FAAH2: variants seen among roughly 807,000 people sequenced by gnomAD.
FAAH2 encodes fatty-acid amide hydrolase 2.
Under a neutral mutation model 36.9 loss-of-function variants are expected in FAAH2, and 60 were observed. The ratio of observed to expected loss-of-function variants is 1.63; its 90% CI spans 1.32 to 2.02. The LOEUF is 2.02. FAAH2 is among the 30% of genes most tolerant of loss of function. The pLI is 0.00. For missense variants in FAAH2, 689 were observed against 397.5 expected, an observed-to-expected ratio of 1.73 and a Z score of -6.23; for synonymous variants, 214 against 143.8, an observed-to-expected ratio of 1.49 and a Z score of -3.49.
intron 5 of FAAH2, among the ~76,000 whole-genome samples, chrX:57,354,495 G>T (rs1212736446): frequency 9.1e-6 from 1 of 110,057 alleles, no homozygotes; most frequent in African/African-American, 3.3e-5. Flanking sequence ...TTATTCAGGT[G>T]ATGGATACCC....
At chrX:57,162,740 G>T in the FAAH2 span, among the ~76,000 whole-genome samples, 1 of 111,616 alleles carries the variant, frequency 9.0e-6, no homozygotes, top group Non-Finnish European at 1.9e-5. Flanking sequence ...GTCTGTATTG[G>T]TTATTCTAGT....
chrX:57,319,229 T>G (rs1462727677), intron 3 of FAAH2, among the ~76,000 whole-genome samples: 1 of 111,786 alleles, frequency 8.9e-6, no homozygotes, highest in Non-Finnish European at 1.9e-5. Flanking sequence ...GGAAGTCAAG[T>G]TGTCTCTTTT....
chrX:57,238,892 GT>G, the FAAH2 span, among the ~76,000 whole-genome samples: 1 of 111,475 alleles, frequency 9.0e-6, no homozygotes, highest in Non-Finnish European at 1.9e-5. Context: ...GCAGTGTTAG[GT>G]TTTCTGTTTC....
At chrX:57,157,929 A>G in the FAAH2 span, among the ~76,000 whole-genome samples, 2 of 110,375 alleles carry the variant, frequency 1.8e-5, no homozygotes, top group East Asian at 2.9e-4. Flanking sequence ...TACAAGTGCC[A>G]TGTTGGTGTG....
At chrX:57,318,212 A>G (rs868332069) in intron 3 of FAAH2, among the ~76,000 whole-genome samples, 1 of 108,515 alleles carries the variant, frequency 9.2e-6, no homozygotes, top group Non-Finnish European at 1.9e-5. Context: ...TTCAAAAAAA[A>G]TAAATGAATC....
the FAAH2 span, among the ~76,000 whole-genome samples, chrX:57,143,513 A>G: frequency 2.6e-4 from 29 of 110,484 alleles, no homozygotes; most frequent in Non-Finnish European, 4.7e-4. Flanking sequence ...ATCTCACTCT[A>G]TCACCCAAGT....
At chrX:57,350,674 A>G (rs2053975987) in intron 5 of FAAH2, among the ~76,000 whole-genome samples, 1 of 111,327 alleles carries the variant, frequency 9.0e-6, no homozygotes, top group Admixed American at 9.6e-5. Context: ...TGGTCCTTCC[A>G]AATGAACATC....
intron 7 of FAAH2, among the ~76,000 whole-genome samples, chrX:57,419,775 A>G (rs751844675): frequency 8.9e-6 from 1 of 111,847 alleles, no homozygotes; most frequent in South Asian, 3.7e-4. Flanking sequence ...TTGGTGTTTT[A>G]GACATGAAGT....
chrX:57,174,040 C>T, the FAAH2 span, among the ~76,000 whole-genome samples: 1 of 110,361 alleles, frequency 9.1e-6, no homozygotes, highest in Admixed American at 9.7e-5. Flanking sequence ...ATTTTTTATG[C>T]CCTTTCCTGG....
chrX:57,190,444 GA>G, the FAAH2 span, among the ~76,000 whole-genome samples: 5,106 of 68,913 alleles, frequency 0.074, 466 homozygotes, highest in African/African-American at 0.25. Context: ...CACTGTGGTA[GA>G]AAAAAAAAAA....
At chrX:57,439,972 G>A (rs759009171) in intron 8 of FAAH2, among the ~76,000 whole-genome samples, 17 of 111,248 alleles carry the variant, frequency 1.5e-4, no homozygotes, top group Non-Finnish European at 3.0e-4. Context: ...TCTCTGTTTT[G>A]GTACCAGTAC....
At chrX:57,339,428 T>A (rs1281445121) in intron 4 of FAAH2, among the ~76,000 whole-genome samples, 1 of 112,034 alleles carries the variant, frequency 8.9e-6, no homozygotes, top group Non-Finnish European at 1.9e-5. Flanking sequence ...TCTAGTTAAC[T>A]AACAAGCCTC....
chrX:57,379,045 A>T (rs1238712881), intron 6 of FAAH2, among the ~76,000 whole-genome samples: 2 of 111,721 alleles, frequency 1.8e-5, no homozygotes, highest in East Asian at 5.6e-4. Flanking sequence ...TTTGTTTTTC[A>T]TTTGTGAATT....
chrX:57,325,835 TC>T (rs1256633245), intron 3 of FAAH2, among the ~76,000 whole-genome samples: 3 of 30,495 alleles, frequency 9.8e-5, no homozygotes, highest in Non-Finnish European at 1.7e-4. Context: ...TGTCTCTATT[TC>T]CTTCAGTTCT....
the FAAH2 span, among the ~76,000 whole-genome samples, chrX:57,128,046 T>G: frequency 1.8e-5 from 2 of 111,845 alleles, no homozygotes; most frequent in Non-Finnish European, 1.9e-5. Context: ...TTCAAGATTT[T>G]CCCCCAGCTA....
chrX:57,123,718 C>T, the FAAH2 span, among the ~76,000 whole-genome samples: 2 of 112,358 alleles, frequency 1.8e-5, no homozygotes, highest in Non-Finnish European at 3.8e-5. Context: ...GATGGTATCT[C>T]ATTGTGGTTT....
intron 9 of FAAH2, among the ~76,000 whole-genome samples, chrX:57,447,410 C>G (rs1166727188): frequency 1.8e-5 from 2 of 111,820 alleles, no homozygotes; most frequent in Non-Finnish European, 3.8e-5. Context: ...CTCCACTAGG[C>G]AGTGCTCCAG....
chrX:57,161,481 T>C, the FAAH2 span, among the ~76,000 whole-genome samples: 97 of 111,264 alleles, frequency 8.7e-4, 5 homozygotes, highest in South Asian at 0.037. Context: ...CCCATTATTA[T>C]TGTGTGGGAG....
At chrX:57,157,843 T>G in the FAAH2 span, among the ~76,000 whole-genome samples, 1 of 111,155 alleles carries the variant, frequency 9.0e-6, no homozygotes, top group African/African-American at 3.3e-5. Flanking sequence ...TCTCTTGAAC[T>G]TCTTTCTTTC....
Sources: gnomAD v4.1 joint callset for allele counts (sites outside exome capture counted in the v4.1 genomes callset) on GRCh38, gnomAD v4.1.1 for gene constraint, MANE v1.5 for transcripts, NCBI Gene and HGNC (gene_info 2026-07-23, HGNC 2026-07-21) for gene names.